ROR2: variants seen among roughly 807,000 people sequenced by gnomAD.
The protein encoded by ROR2 is ROR family WNT receptor 2, also known as tyrosine-protein kinase transmembrane receptor ROR2.
ROR2 carries 33 observed loss-of-function variants against 74.9 expected under a neutral mutation model. The ratio of observed to expected loss-of-function variants is 0.44; its 90% confidence interval spans 0.33 to 0.59. The LOEUF (loss-of-function observed/expected upper bound fraction) is 0.59, where lower values mean the gene tolerates loss of function less well. Ranked by LOEUF, ROR2 falls within the 20% of genes least tolerant of loss-of-function variation. The pLI is 0.02. For synonymous variants in ROR2, 586 were observed against 558.7 expected (o/e 1.05, Z -0.69); for missense variants, 1,216 against 1,313.8 (o/e 0.93, Z 1.15).
At chr9:91,848,764 GAAAAAAAAA>G (rs36044426) in intron 1 of ROR2, among the ~76,000 whole-genome samples, 10 of 103,764 alleles carry the variant, frequency 9.6e-5, no homozygotes, top group African/African-American at 1.5e-4. Flanking sequence ...CAGGGGGGAA[GAAAAAAAAA>G]AAAAAAAAAA....
At chr9:91,759,001 T>C (rs185070343) in intron 2 of ROR2, among the ~76,000 whole-genome samples, 18 of 152,412 alleles carry the variant, frequency 1.2e-4, no homozygotes, top group Admixed American at 1.0e-3. Context: ...CACAGCAATC[T>C]GAAAATGACT....
intron 1 of ROR2, among the ~76,000 whole-genome samples, chr9:91,940,621 G>A (rs1251300249): frequency 6.8e-6 from 1 of 148,108 alleles, no homozygotes; most frequent in Non-Finnish European, 1.5e-5. Flanking sequence ...TTGAGACAGA[G>A]TCTTGCTCTG....
intron 1 of ROR2, among the ~76,000 whole-genome samples, chr9:91,811,499 T>C (rs1467419834): frequency 6.6e-6 from 1 of 152,166 alleles, no homozygotes; most frequent in East Asian, 1.9e-4. Context: ...TTGCTGATCC[T>C]AGAGATATGG....
At chr9:91,940,759 C>A (rs1325297557) in intron 1 of ROR2, among the ~76,000 whole-genome samples, 1 of 151,926 alleles carries the variant, frequency 6.6e-6, no homozygotes, top group Non-Finnish European at 1.5e-5. Flanking sequence ...CAGCCCCCAC[C>A]CCCGGCTAAT....
intron 1 of ROR2, among the ~76,000 whole-genome samples, chr9:91,841,473 T>C (rs1033713840): frequency 2.0e-5 from 3 of 152,272 alleles, no homozygotes; most frequent in Non-Finnish European, 4.4e-5. Context: ...TGACACAGAC[T>C]GGCAAAGGCC....
intron 1 of ROR2, among the ~76,000 whole-genome samples, chr9:91,821,924 T>C (rs1422331645): frequency 6.6e-6 from 1 of 152,048 alleles, no homozygotes; most frequent in East Asian, 1.9e-4. Flanking sequence ...AAACTGATGC[T>C]GAATGTATGT....
At chr9:91,758,814 T>C (rs1027006797) in intron 2 of ROR2, among the ~76,000 whole-genome samples, 2 of 152,186 alleles carry the variant, frequency 1.3e-5, no homozygotes, top group African/African-American at 4.8e-5. Context: ...GTGGTGCACA[T>C]GTATGTGTGT....
intron 1 of ROR2, among the ~76,000 whole-genome samples, chr9:91,878,565 T>TC (rs774671921): frequency 6.6e-6 from 1 of 152,030 alleles, no homozygotes. Flanking sequence ...TCCCAGAAGC[T>TC]CCCCCCTTGC....
intron 3 of ROR2, among the ~76,000 whole-genome samples, chr9:91,756,684 T>G (rs1011130513): frequency 6.6e-5 from 10 of 151,842 alleles, no homozygotes; most frequent in Non-Finnish European, 5.9e-5. Flanking sequence ...TGCCTGGGAT[T>G]GTCTTCTGGG....
At chr9:91,868,945 G>A (rs1353643791) in intron 1 of ROR2, among the ~76,000 whole-genome samples, 1 of 152,166 alleles carries the variant, frequency 6.6e-6, no homozygotes, top group Non-Finnish European at 1.5e-5. Context: ...AAACAGTTTG[G>A]CTGTTTCTTA....
intron 1 of ROR2, among the ~76,000 whole-genome samples, chr9:91,895,123 GA>G (rs1320275964): frequency 6.6e-6 from 1 of 152,186 alleles, no homozygotes; most frequent in East Asian, 1.9e-4. Flanking sequence ...AAAAGAGATA[GA>G]GCAAACTTAA....
chr9:91,927,311 A>T (rs1831430257), intron 1 of ROR2, among the ~76,000 whole-genome samples: 1 of 152,196 alleles, frequency 6.6e-6, no homozygotes, highest in Non-Finnish European at 1.5e-5. Context: ...GCTCATCCAA[A>T]TCCCCAAACC....
In ROR2 at chr9:91,950,051, G is replaced by T; in HGVS notation, c.-88C>A. On this transcript the variant is annotated 5_prime_UTR_variant, in exon 1 of 9. Transcript: ENST00000375708. ...CACCACCCCTTTCTACGATGCGTCCGCTCCTCCTTCTCCCTGGCGCTTCGC... is the reference window on the plus strand; with the variant it reads ...CACCACCCCTTTCTACGATGCGTCCTCTCCTCCTTCTCCCTGGCGCTTCGC... The T allele has an allele frequency of 1.7e-6, 1 of 576,110 alleles. No homozygotes were observed. Among genetic ancestry groups the T allele is most frequent in the Non-Finnish European group, 2.8e-6 (1 of 363,282 alleles). The allele number at this position is 576,110 out of a possible 1,614,324, so 35.7% of individuals were successfully genotyped here. A position where few individuals can be genotyped will look rare whatever the true frequency, so the allele number is the denominator to read the frequency against.
intron 1 of ROR2, among the ~76,000 whole-genome samples, chr9:91,855,524 T>C (rs1829251540): frequency 6.6e-6 from 1 of 152,246 alleles, no homozygotes; most frequent in East Asian, 1.9e-4. Flanking sequence ...GCCCTTTCCA[T>C]GGAACAGTGA....
At position 91,725,216 on chromosome 9, in the gene ROR2, G is replaced by A. The variant is rs545851090; in HGVS notation, c.1387-109C>T. On this transcript the variant is annotated intron_variant, in intron 8 of 8. Coordinates refer to ENST00000375708, the MANE Select transcript of ROR2 (RefSeq NM_004560.4). ...TCCCTGTGCGGCCACGACTAGGGGGGCCTTGCAGAAGACCCGCTGGTTTTG... is the reference window on the plus strand; with the variant it reads ...TCCCTGTGCGGCCACGACTAGGGGGACCTTGCAGAAGACCCGCTGGTTTTG... 2.5e-5 allele frequency: 39 copies of A among 1,582,916 alleles called. No individual in the cohort carries two copies. The East Asian group carries it at 4.7e-4, about 19-fold the overall frequency.
intron 1 of ROR2, among the ~76,000 whole-genome samples, chr9:91,918,026 C>T (rs553287723): frequency 1.3e-5 from 2 of 152,284 alleles, no homozygotes; most frequent in Admixed American, 1.3e-4. Context: ...AATCCCAGCA[C>T]TTTGGGAGGC....
intron 1 of ROR2, among the ~76,000 whole-genome samples, chr9:91,779,368 C>CT (rs57414414): frequency 0.086 from 11,508 of 133,482 alleles, 704 homozygotes; most frequent in African/African-American, 0.17. Flanking sequence ...TTATACTTTT[C>CT]TTTTTTTTTT....
intron 1 of ROR2, among the ~76,000 whole-genome samples, chr9:91,916,910 T>C (rs1831150622): frequency 6.6e-6 from 1 of 152,182 alleles, no homozygotes; most frequent in African/African-American, 2.4e-5. Flanking sequence ...CTTCACTAGA[T>C]GGTCGAGGTT....
chr9:91,803,969 ATCTCT>A (rs1419440554), intron 1 of ROR2, among the ~76,000 whole-genome samples: 1 of 152,212 alleles, frequency 6.6e-6, no homozygotes, highest in Non-Finnish European at 1.5e-5. Context: ...TTCTGGGATG[ATCTCT>A]TCTCTGGATG....
Sources: gnomAD v4.1 joint callset for allele counts (sites outside exome capture counted in the v4.1 genomes callset) on GRCh38, gnomAD v4.1.1 for gene constraint, MANE v1.5 for transcripts, NCBI Gene and HGNC (gene_info 2026-07-23, HGNC 2026-07-21) for gene names.